The following UBAP2L variants were observed in gnomAD, a reference collection of about 807,000 sequenced individuals.
UBAP2L encodes the protein ubiquitin-associated protein 2-like.
UBAP2L carries 12 observed loss-of-function variants against 130.6 expected under a neutral mutation model. The ratio of observed to expected loss-of-function variants is 0.09; its 90% CI spans 0.06 to 0.15. The LOEUF (loss-of-function observed/expected upper bound fraction) is 0.15. Among genes scored for constraint, UBAP2L ranks in the 10% least tolerant of loss-of-function variants. UBAP2L has a pLI of 1.00. For missense variants in UBAP2L, 965 were observed against 1,332.5 expected, an observed-to-expected ratio of 0.72 and a Z score of 4.29; for synonymous variants, 503 against 524.7, an observed-to-expected ratio of 0.96 and a Z score of 0.57.
chr1:154,259,862 C>T (rs1430045911), intron 21 of UBAP2L, 86 bp from the exon 22 acceptor site: 9 of 1,378,938 alleles, frequency 6.5e-6, no homozygotes, highest in East Asian at 2.3e-5. Flanking sequence ...CTCTCACATT[C>T]TTCTGTTTTT....
chr1:154,254,550 T>C, intron 15 of UBAP2L: 2 of 514,074 alleles, frequency 3.9e-6, no homozygotes, highest in South Asian at 2.4e-5. Flanking sequence ...ACTTTGGGCC[T>C]TTCCTCTATC....
intron 6 of UBAP2L, among the ~76,000 whole-genome samples, chr1:154,235,775 T>A (rs770235592): frequency 3.3e-5 from 5 of 152,086 alleles, no homozygotes; most frequent in Admixed American, 1.3e-4. Context: ...AATTTTTAAA[T>A]GCTTTTGTAG....
At chr1:154,250,840 C>G (rs1208834550) in intron 12 of UBAP2L, among the ~76,000 whole-genome samples, 1 of 146,268 alleles carries the variant, frequency 6.8e-6, no homozygotes, top group Non-Finnish European at 1.5e-5. Context: ...GAGCAAGACT[C>G]CCATCTCAAA....
Position 154,251,311 on chromosome 1 carries a change from C to T in UBAP2L, c.1484C>T (p.Thr495Ile). 1 of 1,611,286 alleles carries T rather than the reference C, an allele frequency of 6.2e-7. No homozygotes were observed. The highest frequency in any genetic ancestry group is 8.5e-7 in the Non-Finnish European group (1 of 1,179,060). Residue 495 changes from threonine (T) to isoleucine (I), a missense_variant, in exon 13 of 27, where the codon ACT becomes ATT. Thr to Ile is a moderately conservative substitution (Grantham distance 89). Around this residue, in one of 9 missense-constraint regions of UBAP2L, gnomAD observed 393 missense variants for 408.1 expected, o/e 0.96. Transcript: ENST00000428931. The stretch of plus-strand genomic sequence containing the variant: ...CAGCAGAAGAAAAAAGCCTCCTTGA[C>T]TTCTAAGGTACTTAAACTTTTAGGT... ...LKQQKKKASLTSKIPALAVEM... is the reference protein window; with the variant it reads ...LKQQKKKASLISKIPALAVEM...
chr1:154,268,268 T>C (rs963025060), intron 25 of UBAP2L, among the ~76,000 whole-genome samples: 1 of 150,984 alleles, frequency 6.6e-6, no homozygotes, highest in East Asian at 2.0e-4. Flanking sequence ...CTTGACTCAC[T>C]GCAACCTCCA....
At chr1:154,250,573 G>A (rs1046018019) in intron 12 of UBAP2L, among the ~76,000 whole-genome samples, 1 of 152,116 alleles carries the variant, frequency 6.6e-6, no homozygotes, top group Non-Finnish European at 1.5e-5. Flanking sequence ...ATGGTTGTAG[G>A]CCAGGTGCGG....
chr1:154,231,490 A>G (rs988840902), intron 4 of UBAP2L, among the ~76,000 whole-genome samples: 4 of 151,876 alleles, frequency 2.6e-5, no homozygotes, highest in Admixed American at 1.3e-4. Flanking sequence ...TAGTAGAGAC[A>G]GGGTTTTGCC....
intron 10 of UBAP2L, among the ~76,000 whole-genome samples, chr1:154,244,820 A>G (rs1178165465): frequency 1.3e-5 from 2 of 152,200 alleles, no homozygotes; most frequent in African/African-American, 4.8e-5. Flanking sequence ...TTTATTACCT[A>G]GGCATGATTG....
At chr1:154,265,055 C>T (rs927651397) in intron 24 of UBAP2L, among the ~76,000 whole-genome samples, 7 of 152,180 alleles carry the variant, frequency 4.6e-5, no homozygotes, top group Non-Finnish European at 7.3e-5. Flanking sequence ...GTTGATGCTT[C>T]GGAGATGAGG....
chr1:154,232,100 G>A (rs900280459), intron 4 of UBAP2L, among the ~76,000 whole-genome samples: 38 of 152,148 alleles, frequency 2.5e-4, no homozygotes, highest in South Asian at 1.0e-3. Flanking sequence ...AGGCCATGGC[G>A]GGCGGATCAC....
chr1:154,270,177 A>G (rs1684444117), intron 26 of UBAP2L, 23 bp from the exon 27 acceptor site: 3 of 1,564,418 alleles, frequency 1.9e-6, no homozygotes, highest in East Asian at 4.5e-5. Flanking sequence ...TTTCCTCCTC[A>G]TGATCCTCCC....
Position 154,257,105 on chromosome 1 carries a change from A to G in UBAP2L, c.2200A>G (p.Ser734Gly). The G allele has an allele frequency of 5.6e-6, 9 of 1,614,124 alleles. No homozygotes were observed. Among genetic ancestry groups the G allele is most frequent in the Non-Finnish European group, 7.6e-6 (9 of 1,180,020 alleles). ...ESEANLHSSS[S>G]TFSTTSSTVS... ...TGAGGCGAATCTCCATTCTTCCTCC[A>G]GCACTTTTTCCACCACATCCAGCAC... The change falls in exon 19 of 27, where the codon AGC becomes GGC. Residue 734 changes from serine to glycine, a missense_variant. Transcript: ENST00000428931.
chr1:154,233,039 G>A (rs1366266264), intron 4 of UBAP2L, among the ~76,000 whole-genome samples: 4 of 151,102 alleles, frequency 2.6e-5, no homozygotes, highest in Non-Finnish European at 5.9e-5. Flanking sequence ...TTTTGAGATG[G>A]AGACTCCTCT....
intron 8 of UBAP2L, among the ~76,000 whole-genome samples, chr1:154,237,523 T>G (rs924359176): frequency 2.0e-5 from 3 of 152,236 alleles, no homozygotes; most frequent in Non-Finnish European, 4.4e-5. Flanking sequence ...GTGTTTATGT[T>G]AGGGTAGTGT....
At chr1:154,249,489 C>G (rs1405347631) in intron 12 of UBAP2L, 52 bp downstream of exon 12, 8 of 1,606,342 alleles carry the variant, frequency 5.0e-6, no homozygotes, top group East Asian at 2.2e-5. Flanking sequence ...GCATTACTGT[C>G]AAGAGGCTAG....
intron 2 of UBAP2L, among the ~76,000 whole-genome samples, chr1:154,226,542 A>C (rs570266974): frequency 1.3e-5 from 2 of 152,286 alleles, no homozygotes; most frequent in East Asian, 3.9e-4. Context: ...GGGGCAGTAA[A>C]ATTCCTAGTA....
chr1:154,261,821 T>C (rs1283818363), intron 24 of UBAP2L, 124 bp downstream of exon 24: 2 of 903,404 alleles, frequency 2.2e-6, no homozygotes, highest in East Asian at 5.2e-5. Context: ...CCAGGTATGA[T>C]TGTTAATGCT....
intron 12 of UBAP2L, among the ~76,000 whole-genome samples, chr1:154,250,403 G>A (rs192188699): frequency 1.4e-3 from 210 of 152,130 alleles, no homozygotes; most frequent in African/African-American, 4.8e-3. Flanking sequence ...AGGAAACAAC[G>A]TTATGCCAAG....
intron 11 of UBAP2L, 101 bp downstream of exon 11, chr1:154,246,476 C>G: frequency 7.3e-7 from 1 of 1,360,948 alleles, no homozygotes; most frequent in Non-Finnish European, 1.0e-6. Flanking sequence ...GCAGGTGAAG[C>G]ATCCTCTTTG....
Sources: gnomAD v4.1 joint callset for allele counts (sites outside exome capture counted in the v4.1 genomes callset) on GRCh38, gnomAD v4.1.1 for gene constraint, gnomAD v4.1.1 regional missense constraint, MANE v1.5 for transcripts, NCBI Gene and HGNC (gene_info 2026-07-23, HGNC 2026-07-21) for gene names.